RPS6KA2: variants seen among roughly 807,000 people sequenced by gnomAD.
RPS6KA2 encodes ribosomal protein S6 kinase A2, also known as ribosomal protein S6 kinase alpha-2.
A neutral mutation model predicts 91.8 loss-of-function variants in RPS6KA2; 42 were observed. That is an observed-to-expected ratio of 0.46 (90% CI 0.36 to 0.59). The LOEUF (loss-of-function observed/expected upper bound fraction) is 0.59. Ranked by LOEUF, RPS6KA2 falls within the 20% of genes least tolerant of loss-of-function variation. The pLI, the probability that RPS6KA2 is intolerant of heterozygous loss-of-function variation, is 0.00. For missense variants in RPS6KA2, 798 were observed against 978.5 expected, an observed-to-expected ratio of 0.82 and a Z score of 2.46; for synonymous variants, 414 against 393.6, an observed-to-expected ratio of 1.05 and a Z score of -0.61.
chr6:166,859,784 C>G (rs541521923), intron 1 of RPS6KA2, among the ~76,000 whole-genome samples: 1 of 152,324 alleles, frequency 6.6e-6, no homozygotes, highest in African/African-American at 2.4e-5. Context: ...GTGGTTAGAG[C>G]AAAACATGAA....
rs746064302 is a variant in RPS6KA2, at chr6:166,665,232, T to A, written c.124-126448A>T. Among the ~76,000 whole-genome samples the A allele has an allele frequency of 2.6e-5, 4 of 152,144 alleles. No homozygotes were observed. Among genetic ancestry groups the A allele is most frequent in the Admixed American group, 6.5e-5 (1 of 15,288 alleles). ...AGATACTAACTCAGGTGAAAGATTG[T>A]GAGATTTCATCCTCAGGTACACACA... On this transcript the variant is annotated intron_variant, in intron 2 of 21. Coordinates refer to the RPS6KA2 transcript ENST00000503859. The surrounding 1 kb of genome is among the most constrained non-coding windows in gnomAD (Gnocchi z 4.5).
chr6:166,671,246 G>A (rs1056969101), intron 2 of RPS6KA2, among the ~76,000 whole-genome samples: 4 of 152,152 alleles, frequency 2.6e-5, no homozygotes, highest in Non-Finnish European at 4.4e-5. Flanking sequence ...TCAGGCTGAG[G>A]GAACAAGAAT....
At chr6:166,720,936 C>T (rs759207786) in intron 2 of RPS6KA2, among the ~76,000 whole-genome samples, 6 of 152,144 alleles carry the variant, frequency 3.9e-5, no homozygotes, top group African/African-American at 7.2e-5. Flanking sequence ...GAGGAGAAGA[C>T]GCTTTGAGAA....
intron 2 of RPS6KA2, among the ~76,000 whole-genome samples, chr6:166,739,511 C>T (rs963371710): frequency 6.6e-6 from 1 of 152,230 alleles, no homozygotes; most frequent in African/African-American, 2.4e-5. Context: ...GCTCACAGAG[C>T]AGGCTGGGAG....
intron 2 of RPS6KA2, among the ~76,000 whole-genome samples, chr6:166,822,232 C>T (rs536241656): frequency 6.6e-6 from 1 of 152,326 alleles, no homozygotes; most frequent in South Asian, 2.1e-4. Context: ...GCATTGAAGT[C>T]CCGACTCCCA....
intron 2 of RPS6KA2, among the ~76,000 whole-genome samples, chr6:166,750,146 G>A (rs2128598375): frequency 6.6e-6 from 1 of 152,324 alleles, no homozygotes; most frequent in Non-Finnish European, 1.5e-5. Context: ...CCCACTCTGT[G>A]CTACTGTGAA....
chr6:166,574,229 G>A (rs529888805), intron 1 of RPS6KA2, among the ~76,000 whole-genome samples: 4 of 152,186 alleles, frequency 2.6e-5, no homozygotes, highest in Non-Finnish European at 2.9e-5. Context: ...ATTGCATGAC[G>A]CTGTGGCCTG....
intron 13 of RPS6KA2, 48 bp downstream of exon 13, chr6:166,451,055 A>T (rs1354449894): frequency 6.2e-7 from 1 of 1,609,504 alleles, no homozygotes; most frequent in South Asian, 1.1e-5. Flanking sequence ...GTCACCCATC[A>T]TCCAAGTGCC....
intron 1 of RPS6KA2, among the ~76,000 whole-genome samples, chr6:166,625,356 T>A (rs538307973): frequency 1.1e-5 from 1 of 89,370 alleles, no homozygotes. Context: ...TGTTTCCCAC[T>A]GTATTCTTTC....
chr6:166,478,263 T>C (rs1266995405), intron 10 of RPS6KA2, among the ~76,000 whole-genome samples: 3 of 152,196 alleles, frequency 2.0e-5, no homozygotes, highest in Non-Finnish European at 1.5e-5. Context: ...ATAATAAGTG[T>C]CCAGATGTCA....
At chr6:166,573,413 C>T (rs749698278) in intron 1 of RPS6KA2, among the ~76,000 whole-genome samples, 2 of 152,186 alleles carry the variant, frequency 1.3e-5, no homozygotes, top group Non-Finnish European at 2.9e-5. Context: ...TCTTTTTCTA[C>T]GTAAAGGACA....
intron 2 of RPS6KA2, among the ~76,000 whole-genome samples, chr6:166,853,095 G>A (rs1780788535): frequency 6.6e-6 from 1 of 152,124 alleles, no homozygotes; most frequent in Admixed American, 6.5e-5. Flanking sequence ...ACAAGAAAAT[G>A]GTCCTATTGT....
chr6:166,546,005 C>T (rs1783813899), intron 1 of RPS6KA2, among the ~76,000 whole-genome samples: 1 of 152,182 alleles, frequency 6.6e-6, no homozygotes, highest in African/African-American at 2.4e-5. Context: ...AATCCTTAAC[C>T]TCCCTGGGAA....
intron 17 of RPS6KA2, among the ~76,000 whole-genome samples, chr6:166,421,590 C>T (rs776340418): frequency 1.3e-5 from 2 of 152,206 alleles, no homozygotes; most frequent in African/African-American, 2.4e-5. Flanking sequence ...GACCCTAACC[C>T]TCTTCCTTTG....
chr6:166,811,988 T>C (rs971270691), intron 2 of RPS6KA2, among the ~76,000 whole-genome samples: 2 of 152,180 alleles, frequency 1.3e-5, no homozygotes, highest in Non-Finnish European at 2.9e-5. Flanking sequence ...GAGTGCACTG[T>C]AGATTTTAAA....
At chr6:166,840,046 T>A (rs570336953) in intron 2 of RPS6KA2, among the ~76,000 whole-genome samples, 1 of 152,116 alleles carries the variant, frequency 6.6e-6, no homozygotes, top group Non-Finnish European at 1.5e-5. Flanking sequence ...ATAGATGCCA[T>A]AATGCCACTT....
At chr6:166,446,723 G>A (rs1414612113) in intron 14 of RPS6KA2, among the ~76,000 whole-genome samples, 1 of 152,202 alleles carries the variant, frequency 6.6e-6, no homozygotes, top group Admixed American at 6.5e-5. Context: ...GGCACAAAAT[G>A]GGGGCTGATC....
chr6:166,620,287 A>T (rs1026123172), intron 1 of RPS6KA2, among the ~76,000 whole-genome samples: 1 of 152,194 alleles, frequency 6.6e-6, no homozygotes, highest in African/African-American at 2.4e-5. Context: ...TTCATTTTTT[A>T]AAAATCTTGC....
chr6:166,459,408 TG>T lies in RPS6KA2; in HGVS notation c.1075+40del. The T allele has an allele frequency of 7.6e-7, 1 of 1,313,312 alleles. No individual in the cohort carries two copies. The highest frequency in any genetic ancestry group is 1.1e-6 in the Non-Finnish European group (1 of 911,210). The allele number at this position is 1,313,312 out of a possible 1,614,324, so 81.4% of individuals were successfully genotyped here. A position where few individuals can be genotyped will look rare whatever the true frequency, so the allele number is the denominator to read the frequency against. On this transcript the variant is annotated intron_variant, in intron 12 of 20. Coordinates refer to ENST00000265678, the MANE Select transcript of RPS6KA2 (RefSeq NM_021135.6). This position sits in a 1 kb window ranked among gnomAD's most constrained non-coding sequence, Gnocchi z 4.9. ...AGATATCTGTCTCTAAGGGGTCAGG[TG>T]GGAGAAGCCACCGATAGAGGGAACC...
Sources: allele counts gnomAD v4.1 joint callset (sites outside exome capture counted in the v4.1 genomes callset), GRCh38; gene constraint gnomAD v4.1.1; non-coding constraint Gnocchi (gnomAD v3.1); transcripts MANE v1.5; gene names NCBI Gene and HGNC (gene_info 2026-07-23, HGNC 2026-07-21).